GPC6: variants seen among roughly 807,000 people sequenced by gnomAD.
The protein encoded by GPC6 is glypican 6.
GPC6 carries 14 observed loss-of-function variants against 55.2 expected under a neutral mutation model. The observed-to-expected ratio is 0.25, with a 90% CI of 0.17 to 0.40. The LOEUF is 0.40. Among genes scored for constraint, GPC6 ranks in the 10% least tolerant of loss-of-function variants. GPC6 has a pLI of 1.00. For synonymous variants in GPC6, 278 were observed against 259.6 expected (o/e 1.07, Z -0.68); for missense variants, 641 against 708.5 (o/e 0.90, Z 1.08).
At chr13:93,447,752 C>A (rs151125139) in intron 1 of GPC6, among the ~76,000 whole-genome samples, 20 of 152,212 alleles carry the variant, frequency 1.3e-4, no homozygotes, top group African/African-American at 4.8e-4. Context: ...TTATACATTT[C>A]TCTGTACAAT....
At chr13:94,277,351 T>G (rs530762246) in intron 4 of GPC6, among the ~76,000 whole-genome samples, 4 of 152,276 alleles carry the variant, frequency 2.6e-5, no homozygotes, top group African/African-American at 9.6e-5. Flanking sequence ...GATGGGTAGA[T>G]TGCAAAATTT....
chr13:93,602,466 A>C (rs1878056345), intron 2 of GPC6, among the ~76,000 whole-genome samples: 2 of 152,188 alleles, frequency 1.3e-5, no homozygotes, highest in Non-Finnish European at 1.5e-5. Flanking sequence ...GAAAGACCCT[A>C]GAAAGTCCAG....
chr13:94,406,069 C>G lies in GPC6; in HGVS notation c.*2852C>G, dbSNP rs886050360. On this transcript the variant is annotated 3_prime_UTR_variant, in exon 9 of 9. Coordinates refer to ENST00000377047, the MANE Select transcript of GPC6 (RefSeq NM_005708.5). ...CATTTGCTCTGATGTTCCCTAAATTCTGTAATCATATCATAACTTTTGTTA... is the reference window on the plus strand; with the variant it reads ...CATTTGCTCTGATGTTCCCTAAATTGTGTAATCATATCATAACTTTTGTTA... The G allele has an allele frequency of 6.6e-6, 1 of 152,042 alleles. No individual in the cohort carries two copies. The highest frequency in any genetic ancestry group is 1.5e-5 in the Non-Finnish European group (1 of 67,974). The allele number at this position is 152,042 out of a possible 1,614,324, so 9.4% of individuals were successfully genotyped here.
intron 3 of GPC6, among the ~76,000 whole-genome samples, chr13:93,889,285 C>A (rs1316318714): frequency 2.6e-5 from 4 of 152,050 alleles, no homozygotes; most frequent in African/African-American, 7.2e-5. Flanking sequence ...ATCAGGAGGC[C>A]TGGAGGTATA....
intron 2 of GPC6, among the ~76,000 whole-genome samples, chr13:93,635,473 A>G (rs116218934): frequency 1.4e-3 from 219 of 152,318 alleles, no homozygotes; most frequent in African/African-American, 5.1e-3. Context: ...TGCAAATAGT[A>G]TAAAAAATAA....
Position 93,744,528 on chromosome 13 carries a change from C to CTTTTTTTTTTTTTT in GPC6, c.320-85613_320-85600dup, listed in dbSNP as rs71736430. ...TTCCTCCAAACCTGCTTTCCCTAGT[C>CTTTTTTTTTTTTTT]TTTTTTTTTTTTTTTTTTTTTTTTT... On this transcript the variant is annotated intron_variant, in intron 2 of 8. Coordinates refer to ENST00000377047, the MANE Select transcript of GPC6 (RefSeq NM_005708.5). 1.9e-4 allele frequency among the ~76,000 whole-genome samples: 18 copies of CTTTTTTTTTTTTTT among 97,232 alleles called. 2 individuals carry two copies. The highest frequency in any genetic ancestry group is 4.5e-4 in the African/African-American group (10 of 22,412). The allele number at this position is 97,232 out of a possible 152,430, so 63.8% of individuals were successfully genotyped here. A position where few individuals can be genotyped will look rare whatever the true frequency, so the allele number is the denominator to read the frequency against.
intron 6 of GPC6, among the ~76,000 whole-genome samples, chr13:94,333,067 T>C (rs1877507466): frequency 6.6e-6 from 1 of 152,182 alleles, no homozygotes; most frequent in Non-Finnish European, 1.5e-5. Flanking sequence ...TCCAGGGTCT[T>C]CATCTGCTTT....
chr13:93,975,882 C>A (rs1254477154), intron 3 of GPC6, among the ~76,000 whole-genome samples: 3 of 152,054 alleles, frequency 2.0e-5, no homozygotes, highest in African/African-American at 7.2e-5. Context: ...AGCCAAAATG[C>A]AATTTTTTAA....
At position 93,866,180 on chromosome 13, in the gene GPC6, T is replaced by C. The variant is rs146826056; in HGVS notation, c.711+35635T>C. Among the ~76,000 whole-genome samples, 1,130 of 151,794 alleles carry C rather than the reference T, an allele frequency of 7.4e-3. 6 individuals carry two copies. The highest frequency in any genetic ancestry group is 0.011 in the Non-Finnish European group (775 of 67,760). On this transcript the variant is annotated intron_variant, in intron 3 of 8. Coordinates refer to ENST00000377047, the MANE Select transcript of GPC6 (RefSeq NM_005708.5). Reference sequence around the variant, plus strand: ...AAGTGCCTATATGCCTTTTTGAAAGTAATGTTATTTACAGCCAACAACTAG... The same window carrying C: ...AAGTGCCTATATGCCTTTTTGAAAGCAATGTTATTTACAGCCAACAACTAG...
At chr13:94,029,759 G>T (rs1883041177) in intron 4 of GPC6, among the ~76,000 whole-genome samples, 1 of 152,144 alleles carries the variant, frequency 6.6e-6, no homozygotes, top group African/African-American at 2.4e-5. Context: ...TGTAAGAGCA[G>T]CAGTGACTTC....
chr13:94,275,302 GT>G (rs769015816), intron 4 of GPC6, among the ~76,000 whole-genome samples: 82 of 152,294 alleles, frequency 5.4e-4, no homozygotes, highest in Non-Finnish European at 1.1e-3. Flanking sequence ...AATGGGAAGA[GT>G]GACTAGGAGT....
At chr13:93,786,154 G>A (rs1173989896) in intron 2 of GPC6, among the ~76,000 whole-genome samples, 1 of 152,112 alleles carries the variant, frequency 6.6e-6, no homozygotes, top group Non-Finnish European at 1.5e-5. Context: ...TTAGATAAAA[G>A]AAGACAGAGA....
chr13:93,398,144 G>T (rs1219900850), intron 1 of GPC6, among the ~76,000 whole-genome samples: 2 of 152,140 alleles, frequency 1.3e-5, no homozygotes, highest in Non-Finnish European at 2.9e-5. Context: ...GAGTGATAAT[G>T]AAATAGTATA....
At chr13:93,616,032 G>A (rs1420831268) in intron 2 of GPC6, among the ~76,000 whole-genome samples, 1 of 152,016 alleles carries the variant, frequency 6.6e-6, no homozygotes, top group Non-Finnish European at 1.5e-5. Context: ...ATGTAAATAT[G>A]TACTTGTACG....
intron 1 of GPC6, among the ~76,000 whole-genome samples, chr13:93,486,943 CA>C (rs11345084): frequency 0.77 from 103,906 of 134,782 alleles, 39,139 homozygotes; most frequent in East Asian, 0.99. Context: ...GACTCCATCT[CA>C]AAAAAAAAAA....
chr13:93,854,938 C>T (rs1888546840), intron 3 of GPC6, among the ~76,000 whole-genome samples: 1 of 151,624 alleles, frequency 6.6e-6, no homozygotes, highest in Admixed American at 6.6e-5. Context: ...AACCTTTCCC[C>T]TCCTGCCCCT....
Position 94,186,059 on chromosome 13 carries a change from C to CAAAAAAAAAAAAAAAAAAAAAA in GPC6, c.878-100290_878-100289insAAAAAAAAAAAAAAAAAAAAAA, listed in dbSNP as rs776003680. ...TAGGTGACAGAGCGAGACTCCGTCT[C>CAAAAAAAAAAAAAAAAAAAAAA]CAAAAAAAAAAAAAAAAAAAAGGTT... On this transcript the variant is annotated intron_variant, in intron 4 of 8. Coordinates refer to ENST00000377047, the MANE Select transcript of GPC6 (RefSeq NM_005708.5). 4.7e-5 allele frequency among the ~76,000 whole-genome samples: 3 copies of CAAAAAAAAAAAAAAAAAAAAAA among 63,840 alleles called. 1 individual carries two copies. Among genetic ancestry groups the CAAAAAAAAAAAAAAAAAAAAAA allele is most frequent in the African/African-American group, 1.8e-4 (3 of 17,108 alleles). 41.9% of individuals were successfully genotyped at this position (63,840 alleles called of 152,430 possible).
chr13:93,812,142 T>TGG (rs35966772), intron 2 of GPC6, among the ~76,000 whole-genome samples: 16 of 73,806 alleles, frequency 2.2e-4, no homozygotes, highest in South Asian at 1.0e-3. Context: ...TGCAAGGCGG[T>TGG]GGGGGGGGGG....
At chr13:93,223,018 AC>A (rs1875661930), upstream of GPC6, among the ~76,000 whole-genome samples, 1 of 48,286 alleles carries the variant, frequency 2.1e-5, no homozygotes, top group African/African-American at 7.2e-5. Context: ...CAGGGAAAAC[AC>A]TTTTTTTTTT....
Sources: allele counts gnomAD v4.1 joint callset (sites outside exome capture counted in the v4.1 genomes callset), GRCh38; gene constraint gnomAD v4.1.1; transcripts MANE v1.5; gene names NCBI Gene and HGNC (gene_info 2026-07-23, HGNC 2026-07-21).